Variants in HORMAD2 observed in about 807,000 individuals in gnomAD.
HORMAD2 encodes HORMA domain containing 2, also known as HORMA domain-containing protein 2.
A neutral mutation model predicts 38.8 loss-of-function variants in HORMAD2; 45 were observed. The observed-to-expected ratio is 1.16, with a 90% CI of 0.91 to 1.49. The LOEUF (loss-of-function observed/expected upper bound fraction) is 1.49, where lower values mean the gene tolerates loss of function less well. HORMAD2 is among the 40% of genes most tolerant of loss of function. The probability of loss-of-function intolerance (pLI) is 0.00; values close to 1 mark genes in which losing one functional copy is unlikely to be tolerated. For missense variants in HORMAD2, 338 were observed against 367.0 expected, an observed-to-expected ratio of 0.92 and a Z score of 0.65; for synonymous variants, 126 against 122.8, an observed-to-expected ratio of 1.03 and a Z score of -0.17.
chr22:30,179,004 G>A (rs1268125782), downstream of HORMAD2, among the ~76,000 whole-genome samples: 1 of 152,098 alleles, frequency 6.6e-6, no homozygotes, highest in African/African-American at 2.4e-5. Flanking sequence ...ACCTCTTCCA[G>A]GAAGAGGCTG....
intron 7 of HORMAD2, among the ~76,000 whole-genome samples, chr22:30,118,112 C>G (rs1012755948): frequency 6.6e-6 from 1 of 152,192 alleles, no homozygotes; most frequent in African/African-American, 2.4e-5. Context: ...TTAAAAAATA[C>G]AAATCACTCA....
At chr22:30,142,103 A>G (rs1487793209) in intron 10 of HORMAD2, among the ~76,000 whole-genome samples, 1 of 151,924 alleles carries the variant, frequency 6.6e-6, no homozygotes, top group Non-Finnish European at 1.5e-5. Flanking sequence ...ACAACAAAAA[A>G]CCAACCAACC....
chr22:30,119,636 A>G (rs1164801587), intron 8 of HORMAD2, among the ~76,000 whole-genome samples: 4 of 152,186 alleles, frequency 2.6e-5, no homozygotes, highest in Non-Finnish European at 4.4e-5. Flanking sequence ...TAGCTTTTGG[A>G]TTCAGACCTG....
chr22:30,092,141 A>T (rs1442695548), intron 1 of HORMAD2, among the ~76,000 whole-genome samples: 1 of 150,766 alleles, frequency 6.6e-6, no homozygotes, highest in Admixed American at 6.6e-5. Flanking sequence ...TTGGCCTCCC[A>T]AAGTGCTGGG....
chr22:30,194,253 C>T, the HORMAD2 span, among the ~76,000 whole-genome samples: 2 of 152,162 alleles, frequency 1.3e-5, no homozygotes, highest in African/African-American at 4.8e-5. Context: ...GAGACATTGA[C>T]CATCTGAAGC....
At chr22:30,123,784 G>T (rs1275087424) in intron 10 of HORMAD2, among the ~76,000 whole-genome samples, 1 of 150,980 alleles carries the variant, frequency 6.6e-6, no homozygotes, top group Non-Finnish European at 1.5e-5. Context: ...AATCCTTTCA[G>T]CTCAGCCTCC....
At chr22:30,091,643 A>G (rs1327898529) in intron 1 of HORMAD2, among the ~76,000 whole-genome samples, 2 of 152,162 alleles carry the variant, frequency 1.3e-5, no homozygotes, top group Non-Finnish European at 1.5e-5. Flanking sequence ...TAGTGCTGCA[A>G]TAAACATGGA....
At chr22:30,179,111 T>A (rs1462931346), downstream of HORMAD2, among the ~76,000 whole-genome samples, 1 of 152,228 alleles carries the variant, frequency 6.6e-6, no homozygotes, top group East Asian at 1.9e-4. Flanking sequence ...CTTTAATGTA[T>A]CTTAAAATTG....
chr22:30,178,210 A>G (rs1001779683), downstream of HORMAD2, among the ~76,000 whole-genome samples: 1 of 152,242 alleles, frequency 6.6e-6, no homozygotes, highest in Non-Finnish European at 1.5e-5. Context: ...TGTATTTGTG[A>G]TAGTCATAAA....
At position 30,096,592 on chromosome 22, in the gene HORMAD2, C is replaced by A. The variant is rs186850158; in HGVS notation, c.52-2260C>A. Among the ~76,000 whole-genome samples the A allele has an allele frequency of 1.6e-4, 24 of 152,068 alleles. 1 individual carries two copies. In the East Asian group the frequency reaches 4.1e-3, roughly 26 times the overall value. On this transcript the variant is annotated intron_variant, in intron 2 of 10. Coordinates refer to ENST00000336726, the MANE Select transcript of HORMAD2 (RefSeq NM_152510.4). ...AAGTGTTTCTCCTGCCTCAGCCTCC[C>A]AAGTAGCTGGGATTATGGGTGCCTT... is the stretch of plus-strand genomic sequence containing the variant.
chr22:30,078,716 T>G (rs1434949912), upstream of HORMAD2, among the ~76,000 whole-genome samples: 1 of 146,394 alleles, frequency 6.8e-6, no homozygotes, highest in Non-Finnish European at 1.5e-5. Flanking sequence ...GCCAATAGTA[T>G]AGGGCAGAGA....
chr22:30,169,525 C>G (rs1925983321), intron 10 of HORMAD2, among the ~76,000 whole-genome samples: 1 of 152,144 alleles, frequency 6.6e-6, no homozygotes, highest in East Asian at 1.9e-4. Flanking sequence ...TAGTCATGGT[C>G]CAGAACTCTG....
At chr22:30,151,892 A>G (rs749650114) in intron 10 of HORMAD2, among the ~76,000 whole-genome samples, 1 of 152,210 alleles carries the variant, frequency 6.6e-6, no homozygotes, top group Non-Finnish European at 1.5e-5. Context: ...CAAAAGTAAG[A>G]CTTTGAAATT....
intron 10 of HORMAD2, chr22:30,137,382 C>T (rs1273221887): frequency 2.1e-6 from 1 of 480,064 alleles, no homozygotes; most frequent in African/African-American, 2.0e-5. Context: ...ACCAATCTTT[C>T]TTAGAAAATG....
At chr22:30,139,254 CTATATATATATATATA>C (rs3067131) in intron 10 of HORMAD2, among the ~76,000 whole-genome samples, 3 of 96,774 alleles carry the variant, frequency 3.1e-5, no homozygotes, top group Non-Finnish European at 5.7e-5. Context: ...ATGAACTGTA[CTATATATATATATATA>C]TATATATATA....
chr22:30,107,837 G>T (rs966922620), intron 5 of HORMAD2, among the ~76,000 whole-genome samples: 3 of 151,902 alleles, frequency 2.0e-5, no homozygotes, highest in Admixed American at 2.0e-4. Context: ...TCCCCTGTAA[G>T]AGCATGATTA....
chr22:30,182,162 T>G, the HORMAD2 span, among the ~76,000 whole-genome samples: 1 of 152,220 alleles, frequency 6.6e-6, no homozygotes, highest in Admixed American at 6.5e-5. Flanking sequence ...TGTTCGACAA[T>G]TTTAATGTTT....
At chr22:30,195,788 A>G in the HORMAD2 span, among the ~76,000 whole-genome samples, 1 of 152,210 alleles carries the variant, frequency 6.6e-6, no homozygotes, top group Non-Finnish European at 1.5e-5. Context: ...CCTGGAACCA[A>G]CTAGGCTATC....
chr22:30,112,875 C>T (rs1265111878), intron 7 of HORMAD2, among the ~76,000 whole-genome samples: 2 of 151,862 alleles, frequency 1.3e-5, no homozygotes, highest in Non-Finnish European at 2.9e-5. Flanking sequence ...TATAAAACCA[C>T]ATTTTATTAT....
Sources: allele counts gnomAD v4.1 joint callset (sites outside exome capture counted in the v4.1 genomes callset), GRCh38; gene constraint gnomAD v4.1.1; transcripts MANE v1.5; gene names NCBI Gene and HGNC (gene_info 2026-07-23, HGNC 2026-07-21).